Variants in EYS observed in about 807,000 individuals in gnomAD.
EYS encodes protein eyes shut homolog.
In EYS, 250 loss-of-function variants were observed where a neutral mutation model predicts 282.1. The ratio of observed to expected loss-of-function variants is 0.89; its 90% confidence interval spans 0.80 to 0.98. The LOEUF (loss-of-function observed/expected upper bound fraction) is 0.98. EYS is among the 50% of genes least tolerant of loss of function. The pLI, the probability that EYS is intolerant of heterozygous loss-of-function variation, is 0.00. For synonymous variants in EYS, 1,355 were observed against 1,282.9 expected (o/e 1.06, Z -1.20); for missense variants, 4,016 against 3,709.0 (o/e 1.08, Z -2.15).
intron 26 of EYS, among the ~76,000 whole-genome samples, chr6:64,540,475 ATTTT>A (rs397888030): frequency 9.3e-4 from 78 of 83,506 alleles, no homozygotes; most frequent in East Asian, 8.2e-3. Flanking sequence ...CCAAGTACAG[ATTTT>A]TTTTTTTTTT....
intron 2 of EYS, among the ~76,000 whole-genome samples, chr6:65,591,251 G>A (rs1318788241): frequency 6.6e-6 from 1 of 151,874 alleles, no homozygotes; most frequent in Non-Finnish European, 1.5e-5. Flanking sequence ...ACCCAGGCTG[G>A]AATACAGTGG....
intron 12 of EYS, among the ~76,000 whole-genome samples, chr6:65,230,781 G>A (rs1384294210): frequency 1.3e-5 from 2 of 151,362 alleles, no homozygotes; most frequent in East Asian, 1.9e-4. Context: ...TTTTATATGA[G>A]TAGAAATTTT....
intron 12 of EYS, among the ~76,000 whole-genome samples, chr6:65,243,189 T>C (rs1376348676): frequency 1.3e-5 from 2 of 152,220 alleles, no homozygotes; most frequent in Non-Finnish European, 2.9e-5. Context: ...TATCATATCA[T>C]TTGTACTTTT....
intron 22 of EYS, among the ~76,000 whole-genome samples, chr6:64,728,620 C>A (rs933179053): frequency 6.6e-6 from 1 of 152,170 alleles, no homozygotes. Flanking sequence ...TAGGTGTGAG[C>A]CACCGCGACC....
chr6:65,120,074 A>G (rs1775487794), intron 12 of EYS, among the ~76,000 whole-genome samples: 2 of 143,260 alleles, frequency 1.4e-5, no homozygotes, highest in African/African-American at 5.4e-5. Flanking sequence ...ATGGCGCAAA[A>G]CCGGCAGGCA....
At chr6:65,088,321 G>C (rs548023570) in intron 12 of EYS, among the ~76,000 whole-genome samples, 2 of 152,250 alleles carry the variant, frequency 1.3e-5, no homozygotes, top group East Asian at 3.9e-4. Flanking sequence ...AGGAAGATGT[G>C]GGAAAGTTTA....
At chr6:65,322,816 A>T (rs1382523322) in intron 11 of EYS, among the ~76,000 whole-genome samples, 1 of 150,540 alleles carries the variant, frequency 6.6e-6, no homozygotes, top group African/African-American at 2.5e-5. Flanking sequence ...AAAAAAAAGA[A>T]AAAAGAAAAA....
intron 19 of EYS, among the ~76,000 whole-genome samples, chr6:64,827,421 G>T (rs1031364935): frequency 9.9e-5 from 15 of 151,702 alleles, no homozygotes; most frequent in Admixed American, 9.9e-4. Context: ...TTTGAGCTCA[G>T]GGATCATACC....
At chr6:65,238,119 T>A (rs371511917) in intron 12 of EYS, among the ~76,000 whole-genome samples, 10 of 151,998 alleles carry the variant, frequency 6.6e-5, no homozygotes, top group South Asian at 6.2e-4. Flanking sequence ...AGTCTAACAA[T>A]GTGAATACTA....
chr6:64,917,167 T>C (rs1768191708), intron 15 of EYS, among the ~76,000 whole-genome samples: 1 of 151,750 alleles, frequency 6.6e-6, no homozygotes, highest in African/African-American at 2.4e-5. Context: ...GAGAATTGCT[T>C]GAACCTGGGT....
intron 41 of EYS, among the ~76,000 whole-genome samples, chr6:63,757,231 A>G (rs1769511565): frequency 6.6e-6 from 1 of 152,066 alleles, no homozygotes; most frequent in Non-Finnish European, 1.5e-5. Context: ...GGGGAGGTCT[A>G]TAAATGGCCG....
At chr6:65,103,266 A>C (rs991335025) in intron 12 of EYS, among the ~76,000 whole-genome samples, 4 of 151,548 alleles carry the variant, frequency 2.6e-5, no homozygotes, top group African/African-American at 9.7e-5. Context: ...TGTTAAAATA[A>C]ATACATGCAT....
chr6:64,753,071 G>C (rs748165395), intron 22 of EYS, among the ~76,000 whole-genome samples: 2 of 152,090 alleles, frequency 1.3e-5, no homozygotes, highest in Non-Finnish European at 2.9e-5. Context: ...ATCACTATTA[G>C]ACTGGTCCTA....
At position 64,542,491 on chromosome 6, in the gene EYS, T is replaced by C. The variant is rs375253243; in HGVS notation, c.5644+47732A>G. Reference sequence around the variant, plus strand: ...AAAGCTTTTGGATAGAGGAGACATATAGTTTAGTGGGAATTTTGGGCACCT... The same window carrying C: ...AAAGCTTTTGGATAGAGGAGACATACAGTTTAGTGGGAATTTTGGGCACCT... On this transcript the variant is annotated intron_variant, in intron 26 of 42. Transcript: ENST00000503581. 1.1e-4 allele frequency among the ~76,000 whole-genome samples: 17 copies of C among 152,190 alleles called. No individual in the cohort carries two copies. The East Asian group carries it at 2.9e-3, about 26-fold the overall frequency.
intron 22 of EYS, among the ~76,000 whole-genome samples, chr6:64,692,926 A>T (rs1374190944): frequency 8.2e-6 from 1 of 121,618 alleles, no homozygotes; most frequent in Non-Finnish European, 1.6e-5. Context: ...CAGGAGTATG[A>T]TGATGCCTCT....
At chr6:64,667,625 G>T (rs2149893387) in intron 22 of EYS, among the ~76,000 whole-genome samples, 1 of 151,774 alleles carries the variant, frequency 6.6e-6, no homozygotes, top group East Asian at 1.9e-4. Context: ...CTAAAGAGTA[G>T]TAGTTTTCTT....
intron 2 of EYS, among the ~76,000 whole-genome samples, chr6:65,549,981 G>T (rs1417183459): frequency 1.5e-5 from 2 of 131,386 alleles, no homozygotes; most frequent in Non-Finnish European, 1.6e-5. Flanking sequence ...GAGGGGCAAG[G>T]TGGCAACCAT....
intron 35 of EYS, among the ~76,000 whole-genome samples, chr6:63,917,151 C>T (rs951942867): frequency 4.6e-5 from 7 of 152,212 alleles, no homozygotes; most frequent in African/African-American, 1.2e-4. Flanking sequence ...CATGTGTACA[C>T]GTGCACGCGC....
intron 26 of EYS, among the ~76,000 whole-genome samples, chr6:64,560,665 G>C (rs1176465190): frequency 6.6e-6 from 1 of 151,954 alleles, no homozygotes; most frequent in Non-Finnish European, 1.5e-5. Flanking sequence ...TTCATGAAAT[G>C]CCTCATTGTA....
Sources: allele counts gnomAD v4.1 joint callset (sites outside exome capture counted in the v4.1 genomes callset), GRCh38; gene constraint gnomAD v4.1.1; transcripts MANE v1.5; gene names NCBI Gene and HGNC (gene_info 2026-07-23, HGNC 2026-07-21).